Variants in NAV2 observed in about 807,000 individuals in gnomAD.
NAV2 encodes neuron navigator 2.
NAV2 carries 54 observed loss-of-function variants against 223.2 expected under a neutral mutation model. The ratio of observed to expected loss-of-function variants is 0.24; its 90% CI spans 0.19 to 0.30. NAV2 has a LOEUF of 0.30. Among genes scored for constraint, NAV2 ranks in the 10% least tolerant of loss-of-function variants. NAV2 has a pLI of 1.00. For synonymous variants in NAV2, 1,279 were observed against 1,239.3 expected, an observed-to-expected ratio of 1.03 and a Z score of -0.67; for missense variants, 2,806 against 3,147.5, an observed-to-expected ratio of 0.89 and a Z score of 2.60.
intron 26 of NAV2, among the ~76,000 whole-genome samples, chr11:20,088,526 G>A (rs1476688953): frequency 6.6e-6 from 1 of 152,144 alleles, no homozygotes; most frequent in African/African-American, 2.4e-5. Context: ...TGTCTCATGA[G>A]GCCTCATCAT....
At chr11:19,549,985 C>T (rs956613582) in intron 1 of NAV2, among the ~76,000 whole-genome samples, 10 of 152,324 alleles carry the variant, frequency 6.6e-5, no homozygotes, top group South Asian at 2.1e-4. Context: ...CAGCCTCCCC[C>T]GGCTTCTGCT....
intron 1 of NAV2, among the ~76,000 whole-genome samples, chr11:19,785,647 C>CTTTTTTT (rs3214722): frequency 0.05 from 7,082 of 141,718 alleles, 225 homozygotes; most frequent in Non-Finnish European, 0.065. Flanking sequence ...CGTCAGCTGG[C>CTTTTTTT]TTTTTTTTTT....
intron 1 of NAV2, among the ~76,000 whole-genome samples, chr11:19,702,442 C>T (rs1298785267): frequency 6.6e-6 from 1 of 152,134 alleles, no homozygotes; most frequent in African/African-American, 2.4e-5. Context: ...TTCTGCATTT[C>T]CACATCACCA....
intron 1 of NAV2, among the ~76,000 whole-genome samples, chr11:19,656,053 G>A (rs1458499007): frequency 6.6e-6 from 1 of 152,164 alleles, no homozygotes; most frequent in African/African-American, 2.4e-5. Flanking sequence ...GTCATTTTCA[G>A]AACATATGAC....
At chr11:19,558,922 A>G (rs183526020) in intron 1 of NAV2, among the ~76,000 whole-genome samples, 9 of 152,290 alleles carry the variant, frequency 5.9e-5, no homozygotes, top group African/African-American at 1.9e-4. Context: ...TGCCCTATAC[A>G]TGGTGGCGCA....
chr11:19,554,557 T>C (rs918512600), intron 1 of NAV2, among the ~76,000 whole-genome samples: 1 of 152,236 alleles, frequency 6.6e-6, no homozygotes, highest in Non-Finnish European at 1.5e-5. Context: ...CTTTGTGTTC[T>C]AGCTCTGCTG....
At chr11:19,507,069 C>T (rs1322538011) in intron 1 of NAV2, 1 of 152,148 alleles carries the variant, frequency 6.6e-6, no homozygotes. Flanking sequence ...AACCTCTCTG[C>T]CTAAATGTGC....
At chr11:19,785,647 C>CTTTTTTTTTTTTTTTTTTTTTTTTTTTTT (rs3214722) in intron 1 of NAV2, among the ~76,000 whole-genome samples, 1 of 141,858 alleles carries the variant, frequency 7.0e-6, no homozygotes, top group African/African-American at 2.6e-5. Context: ...CGTCAGCTGG[C>CTTTTTTTTTTTTTTTTTTTTTTTTTTTTT]TTTTTTTTTT....
intron 11 of NAV2, among the ~76,000 whole-genome samples, chr11:20,023,529 A>G (rs1043375358): frequency 6.6e-6 from 1 of 152,168 alleles, no homozygotes; most frequent in Admixed American, 6.5e-5. Context: ...CGGACTTTTC[A>G]GCTGGTGGGG....
intron 3 of NAV2, among the ~76,000 whole-genome samples, chr11:19,858,058 G>A (rs549723226): frequency 4.6e-5 from 7 of 152,078 alleles, no homozygotes; most frequent in African/African-American, 7.2e-5. Context: ...GGTTTTCACC[G>A]TGTTAGCCAG....
At chr11:20,111,377 C>T (rs1366018758) in intron 36 of NAV2, among the ~76,000 whole-genome samples, 1 of 152,206 alleles carries the variant, frequency 6.6e-6, no homozygotes, top group Non-Finnish European at 1.5e-5. Context: ...CTGCTGCCCT[C>T]GGGGCCTGCA....
At chr11:19,640,251 C>T (rs950723305) in intron 1 of NAV2, among the ~76,000 whole-genome samples, 5 of 152,060 alleles carry the variant, frequency 3.3e-5, no homozygotes, top group African/African-American at 1.2e-4. Flanking sequence ...TTGTTTTGGC[C>T]AACAGATTTG....
intron 11 of NAV2, chr11:20,027,338 A>T (rs572176847): frequency 1.0e-6 from 1 of 985,400 alleles, no homozygotes; most frequent in Non-Finnish European, 1.2e-6. Context: ...GCCTTGAACA[A>T]TAGCCAGAAA....
At chr11:19,970,694 G>A (rs2049161883) in intron 10 of NAV2, among the ~76,000 whole-genome samples, 1 of 152,080 alleles carries the variant, frequency 6.6e-6, no homozygotes, top group South Asian at 2.1e-4. Flanking sequence ...AAATAAGGGA[G>A]CCAGGCTTCA....
intron 12 of NAV2, 165 bp from the exon 13 acceptor site, chr11:20,043,816 C>A (rs547334975): frequency 9.5e-5 from 52 of 547,842 alleles, no homozygotes; most frequent in Admixed American, 2.6e-4. Context: ...AAAAAAAAAT[C>A]AGTCTTTCTA....
intron 27 of NAV2, among the ~76,000 whole-genome samples, chr11:20,091,661 T>C (rs2060861216): frequency 6.6e-6 from 1 of 152,200 alleles, no homozygotes; most frequent in East Asian, 1.9e-4. Context: ...TTGTAGGTTC[T>C]TCATGAATAT....
intron 1 of NAV2, among the ~76,000 whole-genome samples, chr11:19,397,455 C>G (rs2133275157): frequency 7.7e-6 from 1 of 129,134 alleles, no homozygotes; most frequent in East Asian, 2.6e-4. Context: ...GTTCTTGTGT[C>G]TGCCTCCTGA....
At chr11:19,437,898 G>T (rs1008282180) in intron 1 of NAV2, among the ~76,000 whole-genome samples, 2 of 152,166 alleles carry the variant, frequency 1.3e-5, no homozygotes, top group African/African-American at 4.8e-5. Flanking sequence ...ATTAGAGGCT[G>T]AGTTTTCAGA....
intron 1 of NAV2, among the ~76,000 whole-genome samples, chr11:19,592,900 T>C (rs556043547): frequency 1.3e-5 from 2 of 152,288 alleles, no homozygotes; most frequent in Admixed American, 6.5e-5. Context: ...TACTGAGAGA[T>C]CCCATGTAAA....
Sources: gnomAD v4.1 joint callset for allele counts (sites outside exome capture counted in the v4.1 genomes callset) on GRCh38, gnomAD v4.1.1 for gene constraint, MANE v1.5 for transcripts, NCBI Gene and HGNC (gene_info 2026-07-23, HGNC 2026-07-21) for gene names.